The following ADAMTSL1 variants were observed in gnomAD, a reference collection of about 807,000 sequenced individuals.
ADAMTSL1 encodes ADAMTS like 1.
A neutral mutation model predicts 201.8 loss-of-function variants in ADAMTSL1; 126 were observed. The observed-to-expected ratio is 0.62, with a 90% CI of 0.54 to 0.72. The LOEUF (loss-of-function observed/expected upper bound fraction) is 0.72. Among genes scored for constraint, ADAMTSL1 ranks in the 30% least tolerant of loss-of-function variants. ADAMTSL1 has a pLI of 0.00. For missense variants in ADAMTSL1, 2,679 were observed against 2,277.8 expected (o/e 1.18, Z -3.59); for synonymous variants, 1,121 against 903.4 (o/e 1.24, Z -4.32).
intron 26 of ADAMTSL1, among the ~76,000 whole-genome samples, chr9:18,904,328 G>A (rs777698040): frequency 3.3e-5 from 5 of 152,004 alleles, no homozygotes; most frequent in African/African-American, 4.8e-5. Context: ...AATTAGCCGG[G>A]TGTGATGGCA....
chr9:18,657,930 CAA>C (rs929916199), intron 8 of ADAMTSL1, among the ~76,000 whole-genome samples, 180 bp downstream of exon 8: 1 of 151,652 alleles, frequency 6.6e-6, no homozygotes, highest in African/African-American at 2.4e-5. Context: ...GCCAAGATGC[CAA>C]AGACATTTTC....
intron 2 of ADAMTSL1, among the ~76,000 whole-genome samples, chr9:18,307,647 A>G (rs941471180): frequency 6.6e-6 from 1 of 152,172 alleles, no homozygotes; most frequent in African/African-American, 2.4e-5. Context: ...AGAGCTAACT[A>G]TCCTAAATAT....
intron 1 of ADAMTSL1, among the ~76,000 whole-genome samples, chr9:18,011,956 G>A (rs1820071202): frequency 6.6e-6 from 1 of 152,034 alleles, no homozygotes; most frequent in Non-Finnish European, 1.5e-5. Flanking sequence ...AGACATAGGG[G>A]CAATCCTCCA....
chr9:18,168,262 C>T (rs921857688), intron 2 of ADAMTSL1, among the ~76,000 whole-genome samples: 1 of 152,032 alleles, frequency 6.6e-6, no homozygotes, highest in East Asian at 1.9e-4. Flanking sequence ...TATCCTTATG[C>T]TATCCCTCAC....
chr9:18,185,430 C>G (rs565289946), intron 2 of ADAMTSL1, among the ~76,000 whole-genome samples: 4 of 152,226 alleles, frequency 2.6e-5, no homozygotes, highest in African/African-American at 9.6e-5. Context: ...ACTTCTATTT[C>G]AGCCTTGCAA....
rs75738086 is a variant in ADAMTSL1, at chr9:18,390,553, G to C, written c.208-114276G>C. ...GAGGTTTACCCCATGGTGAGCATCT[G>C]GAGTGCAGCTATTTTCCCTGTTAGT... On this transcript the variant is annotated intron_variant, in intron 2 of 29. Coordinates refer to the ADAMTSL1 transcript ENST00000680146. Among the ~76,000 whole-genome samples the C allele has an allele frequency of 2.7e-3, 416 of 152,324 alleles. 3 individuals are homozygous for C. Among genetic ancestry groups the C allele is most frequent in the African/African-American group, 8.6e-3 (357 of 41,582 alleles).
chr9:18,074,083 T>TA (rs1304832654), intron 1 of ADAMTSL1, among the ~76,000 whole-genome samples: 1 of 152,124 alleles, frequency 6.6e-6, no homozygotes, highest in African/African-American at 2.4e-5. Context: ...TTGGAGCATC[T>TA]AAGAACTCCT....
intron 1 of ADAMTSL1, among the ~76,000 whole-genome samples, chr9:18,036,874 G>C (rs1389581488): frequency 6.6e-6 from 1 of 152,114 alleles, no homozygotes; most frequent in African/African-American, 2.4e-5. Flanking sequence ...TATGGACACA[G>C]TAGTGTCCTG....
intron 1 of ADAMTSL1, among the ~76,000 whole-genome samples, chr9:18,089,541 C>T (rs1274853756): frequency 6.6e-6 from 1 of 152,086 alleles, no homozygotes. Context: ...GTGCAGCAAA[C>T]CACCATGGCA....
intron 2 of ADAMTSL1, among the ~76,000 whole-genome samples, chr9:18,379,852 T>G (rs1253673373): frequency 1.3e-5 from 2 of 152,176 alleles, no homozygotes; most frequent in Non-Finnish European, 2.9e-5. Context: ...ATTTCCCATT[T>G]TTACATTCTT....
At chr9:17,957,717 C>T (rs556667932) in intron 1 of ADAMTSL1, among the ~76,000 whole-genome samples, 1 of 152,124 alleles carries the variant, frequency 6.6e-6, no homozygotes, top group East Asian at 1.9e-4. Context: ...AGAGCAGACC[C>T]TAAATCTGAT....
At chr9:18,769,087 T>A (rs946546375) in intron 16 of ADAMTSL1, among the ~76,000 whole-genome samples, 17 of 152,134 alleles carry the variant, frequency 1.1e-4, no homozygotes, top group Non-Finnish European at 8.8e-5. Flanking sequence ...GACCTTGAGG[T>A]GCATGCAAGG....
intron 2 of ADAMTSL1, among the ~76,000 whole-genome samples, chr9:18,434,669 A>G (rs1013090310): frequency 1.3e-5 from 2 of 152,188 alleles, no homozygotes; most frequent in African/African-American, 2.4e-5. Flanking sequence ...ACAGAGTGAT[A>G]TTTTGGAAAT....
intron 20 of ADAMTSL1, among the ~76,000 whole-genome samples, chr9:18,815,711 C>CAAAAAAAAAAAAAAAAAA (rs35926602): frequency 4.4e-5 from 3 of 67,932 alleles, no homozygotes; most frequent in East Asian, 3.5e-4. Flanking sequence ...AACCCTGTCT[C>CAAAAAAAAAAAAAAAAAA]AAAAAAAAAA....
intron 1 of ADAMTSL1, among the ~76,000 whole-genome samples, chr9:18,126,257 A>G (rs1450643802): frequency 6.6e-6 from 1 of 152,244 alleles, no homozygotes. Flanking sequence ...CACCGTGAAC[A>G]TGTTTGTGTA....
chr9:18,393,597 C>T (rs187410209), intron 2 of ADAMTSL1, among the ~76,000 whole-genome samples: 1 of 152,326 alleles, frequency 6.6e-6, no homozygotes, highest in African/African-American at 2.4e-5. Flanking sequence ...TCCCAACATC[C>T]ATTTCACCCT....
chr9:17,962,343 T>C (rs1040130667), intron 1 of ADAMTSL1, among the ~76,000 whole-genome samples: 4 of 152,178 alleles, frequency 2.6e-5, no homozygotes, highest in African/African-American at 4.8e-5. Context: ...TTGAACACTT[T>C]CCTGTCAGTT....
chr9:17,912,957 G>A (rs1404843344), intron 1 of ADAMTSL1, among the ~76,000 whole-genome samples: 1 of 152,052 alleles, frequency 6.6e-6, no homozygotes, highest in Non-Finnish European at 1.5e-5. Context: ...TTTCCCCATT[G>A]CTTGTTTTTC....
At chr9:18,096,261 G>A (rs564726155) in intron 1 of ADAMTSL1, among the ~76,000 whole-genome samples, 46 of 152,246 alleles carry the variant, frequency 3.0e-4, no homozygotes, top group Middle Eastern at 3.4e-3. Context: ...CATATTCAGT[G>A]AACTATAATG....
Sources: gnomAD v4.1 joint callset for allele counts (sites outside exome capture counted in the v4.1 genomes callset) on GRCh38, gnomAD v4.1.1 for gene constraint, MANE v1.5 for transcripts, NCBI Gene and HGNC (gene_info 2026-07-23, HGNC 2026-07-21) for gene names.